SEPTIN2: variants seen among roughly 807,000 people sequenced by gnomAD.
SEPTIN2 encodes septin 2.
A neutral mutation model predicts 46.5 loss-of-function variants in SEPTIN2; 34 were observed. The observed-to-expected ratio is 0.73, with a 90% CI of 0.56 to 0.97. The LOEUF (loss-of-function observed/expected upper bound fraction) is 0.97. Ranked by LOEUF, SEPTIN2 falls within the 50% of genes least tolerant of loss-of-function variation. SEPTIN2 has a pLI of 0.00. For synonymous variants in SEPTIN2, 175 were observed against 153.4 expected (o/e 1.14, Z -1.04); for missense variants, 347 against 448.4 (o/e 0.77, Z 2.04).
In SEPTIN2 at chr2:241,335,208, A is replaced by T; in HGVS notation, c.213A>T (p.Ala71=). 1 of 1,611,838 alleles carries T rather than the reference A, an allele frequency of 6.2e-7. No individual in the cohort carries two copies. The highest frequency in any genetic ancestry group is 8.5e-7 in the Non-Finnish European group (1 of 1,178,214). ...ACCCAGAAAGAGTCATACCTGGAGCAGCAGGTAAAAACATTCTTATGTTAC... is the reference window on the plus strand; with the variant it reads ...ACCCAGAAAGAGTCATACCTGGAGCTGCAGGTAAAAACATTCTTATGTTAC... ...DLYPERVIPG[A]AEKIERTVQI... The change falls in exon 4 of 13, where the codon GCA becomes GCT. Residue 71 remains alanine, a synonymous_variant. Transcript: ENST00000391971.
rs778141095 is a variant in SEPTIN2, at chr2:241,336,062, C to A, written c.305C>A (p.Thr102Asn). The A allele has an allele frequency of 2.1e-5, 34 of 1,614,028 alleles. No homozygotes were observed. The highest frequency in any genetic ancestry group is 2.9e-5 in the Non-Finnish European group (34 of 1,180,030). The part of the protein sequence containing the change: ...GVKLRLTVVD[T>N]PGYGDAINCR... ...AAGCTACGCCTGACAGTGGTAGATACCCCTGGCTATGGTGACGCTATCAAC... is the reference window on the plus strand; with the variant it reads ...AAGCTACGCCTGACAGTGGTAGATAACCCTGGCTATGGTGACGCTATCAAC... Residue 102 changes from threonine (T) to asparagine (N), a missense_variant, in exon 5 of 13, where the codon ACC (threonine) becomes AAC (asparagine). By Grantham distance (65) the Thr-to-Asn change is moderately conservative. Coordinates refer to ENST00000391971, the MANE Select transcript of SEPTIN2 (RefSeq NM_004404.5).
At chr2:241,335,799 C>T (rs927053337) in intron 4 of SEPTIN2, 176 bp from the exon 5 acceptor site, 1 of 718,984 alleles carries the variant, frequency 1.4e-6, no homozygotes, top group Non-Finnish European at 2.4e-6. Flanking sequence ...ATAATCTTAG[C>T]TTTAACCTTC....
chr2:241,344,280 G>A (rs751118492), intron 9 of SEPTIN2, among the ~76,000 whole-genome samples: 2 of 152,202 alleles, frequency 1.3e-5, no homozygotes, highest in African/African-American at 4.8e-5. Flanking sequence ...GCTCCAGGCT[G>A]AGCCACCCCT....
chr2:241,326,225 A>G (rs1259130790), intron 3 of SEPTIN2, 112 bp downstream of exon 3: 10 of 1,024,912 alleles, frequency 9.8e-6, no homozygotes, highest in Non-Finnish European at 1.4e-5. Context: ...GCAGAGTCAA[A>G]TAACTTGAGA....
intron 1 of SEPTIN2, chr2:241,317,395 C>G (rs187438407): frequency 1.3e-5 from 3 of 235,352 alleles, no homozygotes; most frequent in Admixed American, 1.3e-4. Context: ...GATTTACATT[C>G]TGACTGGCTC....
intron 8 of SEPTIN2, 55 bp from the exon 9 acceptor site, chr2:241,343,697 G>A: frequency 6.2e-7 from 1 of 1,603,176 alleles, no homozygotes; most frequent in Non-Finnish European, 8.5e-7. Flanking sequence ...CGTGTTGCCA[G>A]TGAACTCTGG....
At chr2:241,333,308 T>C (rs899092412) in intron 3 of SEPTIN2, among the ~76,000 whole-genome samples, 5 of 152,196 alleles carry the variant, frequency 3.3e-5, no homozygotes, top group Admixed American at 6.5e-5. Context: ...TTTAAAATTT[T>C]GTCAGACTTC....
At chr2:241,319,971 T>G (rs1435997122) in intron 1 of SEPTIN2, among the ~76,000 whole-genome samples, 1 of 152,250 alleles carries the variant, frequency 6.6e-6, no homozygotes, top group Non-Finnish European at 1.5e-5. Flanking sequence ...ATGCATGATT[T>G]TTTTTCCCCT....
intron 7 of SEPTIN2, among the ~76,000 whole-genome samples, chr2:241,338,817 T>TTATTTATATATAATACATATTA (rs1559643130): frequency 4.8e-5 from 5 of 104,128 alleles, no homozygotes; most frequent in Admixed American, 2.7e-4. Flanking sequence ...TATATTTATA[T>TTATTTATATATAATACATATTA]TATTTATATA....
intron 5 of SEPTIN2, 179 bp from the exon 6 acceptor site, chr2:241,337,203 C>T: frequency 1.7e-6 from 1 of 589,366 alleles, no homozygotes; most frequent in Non-Finnish European, 2.9e-6. Context: ...GGCAGTTATG[C>T]TTGGCATAGT....
chr2:241,331,079 T>C (rs1470000817), intron 3 of SEPTIN2, among the ~76,000 whole-genome samples: 1 of 152,188 alleles, frequency 6.6e-6, no homozygotes, highest in African/African-American at 2.4e-5. Context: ...TGCTGGAGGC[T>C]GAGGCGGGAG....
intron 10 of SEPTIN2, 129 bp downstream of exon 10, chr2:241,346,378 T>A: frequency 1.7e-6 from 1 of 578,262 alleles, no homozygotes; most frequent in South Asian, 2.8e-5. Flanking sequence ...CAAAAGTTAT[T>A]ATAAAAGAGT....
chr2:241,345,029 G>T (rs542773426), intron 9 of SEPTIN2, among the ~76,000 whole-genome samples: 3 of 151,152 alleles, frequency 2.0e-5, no homozygotes, highest in Admixed American at 2.0e-4. Flanking sequence ...CAGGAGAATC[G>T]CCTGAACCTG....
chr2:241,329,776 A>C (rs769138089), intron 3 of SEPTIN2, among the ~76,000 whole-genome samples: 2 of 152,184 alleles, frequency 1.3e-5, no homozygotes, highest in Non-Finnish European at 2.9e-5. Context: ...TTGGCTAGCA[A>C]CTTAGAACTT....
At chr2:241,340,686 CG>C (rs1448245730) in intron 7 of SEPTIN2, among the ~76,000 whole-genome samples, 1 of 152,080 alleles carries the variant, frequency 6.6e-6, no homozygotes, top group Non-Finnish European at 1.5e-5. Flanking sequence ...ATCCTGTATG[CG>C]AAACATTTAG....
intron 3 of SEPTIN2, among the ~76,000 whole-genome samples, chr2:241,330,511 C>T (rs769075757): frequency 3.3e-5 from 5 of 152,108 alleles, no homozygotes; most frequent in Non-Finnish European, 5.9e-5. Context: ...GGGTGTGGCT[C>T]ATAACAGGCA....
At chr2:241,335,067 A>G in intron 3 of SEPTIN2, 59 bp from the exon 4 acceptor site, 2 of 1,216,142 alleles carry the variant, frequency 1.6e-6, no homozygotes, top group East Asian at 4.7e-5. Flanking sequence ...TAAACACTTA[A>G]CCGATTGAAT....
chr2:241,342,724 G>A (rs2150138382), intron 7 of SEPTIN2, among the ~76,000 whole-genome samples: 1 of 151,862 alleles, frequency 6.6e-6, no homozygotes, highest in African/African-American at 2.4e-5. Flanking sequence ...TTTTAGTAGA[G>A]ACAGGGTTTC....
chr2:241,322,479 C>T (rs1441711146), intron 1 of SEPTIN2, among the ~76,000 whole-genome samples: 2 of 151,534 alleles, frequency 1.3e-5, no homozygotes, highest in East Asian at 3.9e-4. Flanking sequence ...TGGTGGCGGG[C>T]GCCTGTAGTC....
Sources: gnomAD v4.1 joint callset for allele counts (sites outside exome capture counted in the v4.1 genomes callset) on GRCh38, gnomAD v4.1.1 for gene constraint, MANE v1.5 for transcripts, NCBI Gene and HGNC (gene_info 2026-07-23, HGNC 2026-07-21) for gene names.